The following RGS12 variants were observed in gnomAD, a reference collection of about 807,000 sequenced individuals.
The protein encoded by RGS12 is regulator of G-protein signaling 12.
A neutral mutation model predicts 120.1 loss-of-function variants in RGS12; 66 were observed. That is an observed-to-expected ratio of 0.55 (90% CI 0.45 to 0.67). RGS12 has a LOEUF of 0.67. RGS12 is among the 30% of genes least tolerant of loss of function. The pLI is 0.00. For missense variants in RGS12, 1,859 were observed against 1,957.7 expected (o/e 0.95, Z 0.95); for synonymous variants, 827 against 804.7 (o/e 1.03, Z -0.47).
At chr4:3,296,730 G>A (rs1723403876) in intron 1 of RGS12, among the ~76,000 whole-genome samples, 1 of 152,210 alleles carries the variant, frequency 6.6e-6, no homozygotes, top group Non-Finnish European at 1.5e-5. Context: ...TCTGGGATGG[G>A]CAGGGTTTGT....
At chr4:3,395,045 T>C (rs1310288360) in intron 4 of RGS12, among the ~76,000 whole-genome samples, 1 of 151,924 alleles carries the variant, frequency 6.6e-6, no homozygotes, top group Admixed American at 6.6e-5. Flanking sequence ...AAAAAAACAT[T>C]AGCTGGATGT....
At chr4:3,411,908 G>C (rs370745032) in intron 4 of RGS12, among the ~76,000 whole-genome samples, 14 of 152,222 alleles carry the variant, frequency 9.2e-5, no homozygotes, top group East Asian at 5.8e-4. Context: ...AGTGCGTGCC[G>C]CCCCTTCCAC....
intron 16 of RGS12, among the ~76,000 whole-genome samples, chr4:3,429,853 G>T (rs1374097009): frequency 1.3e-5 from 2 of 152,190 alleles, no homozygotes; most frequent in African/African-American, 4.8e-5. Context: ...CCTCTGCCCA[G>T]AGGCAGTGAC....
At chr4:3,385,387 G>C (rs967163075) in intron 3 of RGS12, 2 of 153,266 alleles carry the variant, frequency 1.3e-5, no homozygotes, top group African/African-American at 4.8e-5. Context: ...GCTCCATTCT[G>C]CTCACCCCCT....
rs376447089 is a variant in RGS12, at chr4:3,439,480, C to T, written c.4140C>T (p.Asp1380=). 5 of 1,612,726 alleles carry T rather than the reference C, an allele frequency of 3.1e-6. No homozygotes were observed. Among genetic ancestry groups the T allele is most frequent in the South Asian group, 1.1e-5 (1 of 91,090 alleles). Residue 1380 remains aspartate (D), a synonymous_variant, in exon 18 of 18, where the codon GAC becomes GAT. Transcript: ENST00000336727. ...GAAGTGGGACCCATGGCAGCCGAGACCTCCCAGTCAACAGAATCATCGATG... is the reference window on the plus strand; with the variant it reads ...GAAGTGGGACCCATGGCAGCCGAGATCTCCCAGTCAACAGAATCATCGATG... The part of the protein sequence containing the change: ...RPGSGTHGSR[D]LPVNRIIDVD...
intron 4 of RGS12, among the ~76,000 whole-genome samples, chr4:3,405,325 A>G (rs1469274563): frequency 1.3e-5 from 2 of 152,222 alleles, no homozygotes; most frequent in Non-Finnish European, 2.9e-5. Flanking sequence ...CAGTAAACTG[A>G]CACCACGTGC....
At chr4:3,411,684 G>T (rs1273877216) in intron 4 of RGS12, among the ~76,000 whole-genome samples, 1 of 152,256 alleles carries the variant, frequency 6.6e-6, no homozygotes, top group Admixed American at 6.5e-5. Flanking sequence ...AAGGACCCCT[G>T]CCCCAGAGAG....
At position 3,343,052 on chromosome 4, in the gene RGS12, A is replaced by G; in HGVS notation, c.1997A>G (p.Glu666Gly). The change falls in exon 3 of 18, where the codon GAG becomes GGG. Residue 666 changes from glutamate to glycine, a missense_variant and splice_region_variant. Around this residue, in one of 3 missense-constraint regions of RGS12, gnomAD observed 967 missense variants for 994.2 expected, o/e 0.97. Transcript: ENST00000336727. ...FSITRSLDDL[E>G]SATVSDGELT... ...ATCACTCGCTCCCTTGATGATCTTGAGGTAATTTAATTTTCATTTTTCTTC... is the reference window on the plus strand; with the variant it reads ...ATCACTCGCTCCCTTGATGATCTTGGGGTAATTTAATTTTCATTTTTCTTC... 6.3e-7 allele frequency: 1 copy of G among 1,594,230 alleles called. No homozygotes were observed. Among genetic ancestry groups the G allele is most frequent in the Non-Finnish European group, 8.6e-7 (1 of 1,163,518 alleles).
At chr4:3,293,470 G>C (rs1041733978) in intron 1 of RGS12, among the ~76,000 whole-genome samples, 26 of 151,494 alleles carry the variant, frequency 1.7e-4, no homozygotes, top group African/African-American at 6.0e-4. Flanking sequence ...CCGCGGGCGA[G>C]ATGCGCCCGG....
Position 3,433,383 on chromosome 4 carries a change from G to A in RGS12, c.4114+2428G>A, listed in dbSNP as rs889316481. On this transcript the variant is annotated intron_variant, in intron 17 of 17. Transcript: ENST00000336727. This position sits in a 1 kb window ranked among gnomAD's most constrained non-coding sequence, Gnocchi z 4.4. ...CTGCCAGCAACAGCCTTGAGGTAGGGGGAGTCTCCACAGAGCTGTGCCACA... is the reference window on the plus strand; with the variant it reads ...CTGCCAGCAACAGCCTTGAGGTAGGAGGAGTCTCCACAGAGCTGTGCCACA... Among the ~76,000 whole-genome samples, 74 of 152,308 alleles carry A rather than the reference G, an allele frequency of 4.9e-4. No individual in the cohort carries two copies. Among genetic ancestry groups the A allele is most frequent in the Non-Finnish European group, 2.9e-4 (20 of 68,006 alleles).
At chr4:3,344,218 G>C (rs1271627470) in intron 3 of RGS12, among the ~76,000 whole-genome samples, 1 of 152,204 alleles carries the variant, frequency 6.6e-6, no homozygotes, top group Non-Finnish European at 1.5e-5. Flanking sequence ...GCTGCAAATA[G>C]GAATCTGCCC....
intron 2 of RGS12, chr4:3,342,448 C>T: frequency 1.6e-6 from 2 of 1,283,760 alleles, no homozygotes; most frequent in Non-Finnish European, 2.0e-6. Context: ...GTTGGGTCTT[C>T]AGACACCAGC....
At chr4:3,439,151 G>A (rs1251733350) in intron 17 of RGS12, among the ~76,000 whole-genome samples, 5 of 152,034 alleles carry the variant, frequency 3.3e-5, no homozygotes, top group South Asian at 2.1e-4. Context: ...GGGCTCTGCC[G>A]GGGGCCCAGC....
At chr4:3,367,408 T>C (rs555587259) in intron 3 of RGS12, among the ~76,000 whole-genome samples, 2 of 152,396 alleles carry the variant, frequency 1.3e-5, no homozygotes, top group East Asian at 3.9e-4. Context: ...GGTGCTTTCT[T>C]CCTGTGCCCA....
At position 3,389,976 on chromosome 4, in the gene RGS12, C is replaced by T. The variant is rs1719310910; in HGVS notation, c.2020+3539C>T. The stretch of plus-strand genomic sequence containing the variant: ...CCCCACTCTGTCCACTCAGCTGCCC[C>T]CCTACTCGTCCTCCATGCAGACCTC... On this transcript the variant is annotated intron_variant, in intron 4 of 17. Coordinates refer to ENST00000336727, the MANE Select transcript of RGS12 (RefSeq NM_001394154.1). This position sits in a 1 kb window ranked among gnomAD's most constrained non-coding sequence, Gnocchi z 5.2. 6.6e-6 allele frequency among the ~76,000 whole-genome samples: 1 copy of T among 152,188 alleles called. No homozygotes were observed. Among genetic ancestry groups the T allele is most frequent in the Non-Finnish European group, 1.5e-5 (1 of 68,030 alleles).
At position 3,422,581 on chromosome 4, in the gene RGS12, C is replaced by T. The variant is rs372003781; in HGVS notation, c.3033+11C>T. ...GTGGGCGGGGACAAGGTACTGGGCC[C>T]GCCTGACCCTCGTGCTGCCCTCAGG... On this transcript the variant is annotated intron_variant, in intron 11 of 17. Transcript: ENST00000336727. 2.1e-5 allele frequency: 34 copies of T among 1,607,278 alleles called. No individual in the cohort carries two copies. Among genetic ancestry groups the T allele is most frequent in the African/African-American group, 1.3e-4 (10 of 74,864 alleles).
chr4:3,364,766 G>A (rs929427974), intron 3 of RGS12, among the ~76,000 whole-genome samples: 5 of 152,064 alleles, frequency 3.3e-5, no homozygotes, highest in African/African-American at 1.2e-4. Context: ...AGGAGAGGGC[G>A]ACTGCCCTGT....
At chr4:3,356,841 C>T (rs1714941140) in intron 3 of RGS12, among the ~76,000 whole-genome samples, 1 of 152,164 alleles carries the variant, frequency 6.6e-6, no homozygotes, top group South Asian at 2.1e-4. Context: ...TTGTGAATAA[C>T]ACTGCTATGA....
chr4:3,359,973 T>C (rs112582712), intron 3 of RGS12, among the ~76,000 whole-genome samples: 4,619 of 152,214 alleles, frequency 0.03, 215 homozygotes, highest in African/African-American at 0.099. Flanking sequence ...GTTGCCCATG[T>C]TGTCTTGAAC....
Sources: allele counts gnomAD v4.1 joint callset (sites outside exome capture counted in the v4.1 genomes callset), GRCh38; gene constraint gnomAD v4.1.1; regional missense constraint gnomAD v4.1.1; non-coding constraint Gnocchi (gnomAD v3.1); transcripts MANE v1.5; gene names NCBI Gene and HGNC (gene_info 2026-07-23, HGNC 2026-07-21).